The following ARID1B variants were observed in gnomAD, a reference collection of about 807,000 sequenced individuals.
ARID1B encodes AT-rich interactive domain-containing protein 1B.
ARID1B carries 30 observed loss-of-function variants against 212.3 expected under a neutral mutation model. The ratio of observed to expected loss-of-function variants is 0.14; its 90% CI spans 0.11 to 0.19. ARID1B has a LOEUF of 0.19. ARID1B is among the 10% of genes least tolerant of loss of function. The pLI, the probability that ARID1B is intolerant of heterozygous loss-of-function variation, is 1.00. For missense variants in ARID1B, 2,891 were observed against 3,204.0 expected (o/e 0.90, Z 2.36); for synonymous variants, 1,402 against 1,301.7 (o/e 1.08, Z -1.66).
Position 157,046,024 on chromosome 6 carries a change from A to AGCCTCT in ARID1B, c.2248-38628_2248-38623dup, listed in dbSNP as rs140705409. On this transcript the variant is annotated intron_variant, in intron 4 of 19. Coordinates refer to ENST00000636930, the MANE Select transcript of ARID1B (RefSeq NM_001374828.1). Reference sequence around the variant, plus strand: ...CTCTTCTTTTGTTAGAAAATTTCCCAGCCTCTGCCTCTGCCATCTGCTGGT... The same window carrying AGCCTCT: ...CTCTTCTTTTGTTAGAAAATTTCCCAGCCTCTGCCTCTGCCTCTGCCATCTGCTGGT... Among the ~76,000 whole-genome samples, 111 of 152,282 alleles carry AGCCTCT rather than the reference A, an allele frequency of 7.3e-4. 1 individual carries two copies. In the East Asian group the frequency reaches 0.018, roughly 25 times the overall value.
At chr6:157,127,733 G>A (rs548263316) in intron 6 of ARID1B, among the ~76,000 whole-genome samples, 7 of 136,592 alleles carry the variant, frequency 5.1e-5, no homozygotes, top group East Asian at 2.2e-4. Flanking sequence ...CCAAGATCGC[G>A]CCACTGTGCC....
At chr6:156,796,292 G>C (rs1252441078) in intron 1 of ARID1B, among the ~76,000 whole-genome samples, 1 of 151,926 alleles carries the variant, frequency 6.6e-6, no homozygotes, top group Non-Finnish European at 1.5e-5. Flanking sequence ...CCCATCTCAA[G>C]CAAATCAGTG....
intron 4 of ARID1B, chr6:157,023,698 A>G (rs1780470620): frequency 6.6e-6 from 1 of 152,224 alleles, no homozygotes; most frequent in African/African-American, 2.4e-5. Flanking sequence ...AACAAGGCAT[A>G]TCTATTTGGG....
chr6:156,873,777 C>T (rs1786328590), intron 2 of ARID1B, among the ~76,000 whole-genome samples: 1 of 152,222 alleles, frequency 6.6e-6, no homozygotes, highest in South Asian at 2.1e-4. Context: ...TGGACAGTCT[C>T]AGGCATTGGT....
chr6:157,205,349 T>G (rs1043327804), intron 19 of ARID1B: 1 of 152,248 alleles, frequency 6.6e-6, no homozygotes, highest in Non-Finnish European at 1.5e-5. Flanking sequence ...ACTTACTCTT[T>G]AGAGTTCCTA....
chr6:156,905,250 G>GCGCACACACA (rs1554265935), intron 3 of ARID1B, among the ~76,000 whole-genome samples: 27 of 143,838 alleles, frequency 1.9e-4, no homozygotes, highest in South Asian at 4.5e-4. Context: ...ACATATGCAC[G>GCGCACACACA]CACACACACA....
intron 2 of ARID1B, among the ~76,000 whole-genome samples, chr6:156,886,714 C>G (rs1412291914): frequency 6.6e-6 from 1 of 152,214 alleles, no homozygotes; most frequent in Non-Finnish European, 1.5e-5. Flanking sequence ...CATTCAAAGT[C>G]TTTTCCAGTT....
intron 1 of ARID1B, among the ~76,000 whole-genome samples, chr6:156,804,669 G>T (rs1781022320): frequency 1.3e-5 from 2 of 151,972 alleles, no homozygotes; most frequent in Admixed American, 1.3e-4. Flanking sequence ...CCTGGAGGAA[G>T]CCATCCCCAT....
chr6:156,778,682 C>G lies in ARID1B; in HGVS notation c.1002C>G (p.Cys334Trp), dbSNP rs1475178628. 2 of 1,508,386 alleles carry G rather than the reference C, an allele frequency of 1.3e-6. No homozygotes were observed. Among genetic ancestry groups the G allele is most frequent in the Non-Finnish European group, 1.8e-6 (2 of 1,127,054 alleles). The allele number at this position is 1,508,386 out of a possible 1,614,324, so 93.4% of individuals were successfully genotyped here. A position where few individuals can be genotyped will look rare whatever the true frequency, so the allele number is the denominator to read the frequency against. Residue 334 changes from cysteine (C) to tryptophan (W), a missense_variant, in exon 1 of 20, where the codon TGC (cysteine) becomes TGG (tryptophan). Physicochemically the swap from Cys to Trp is radical, Grantham distance 215 (BLOSUM62 -2). This residue lies in a region of ARID1B where 1,643 missense variants were observed against 1,544.0 expected (regional missense o/e 1.06). Coordinates refer to ENST00000636930, the MANE Select transcript of ARID1B (RefSeq NM_001374828.1). ...SGGPGGRAGP[C>W]FDQHGGQQSP... ...GCCCCGGCGGCCGCGCTGGGCCTTG[C>G]TTTGATCAACATGGCGGACAACAAA...
In ARID1B at chr6:157,089,464, C is replaced by T. The variant is rs551814120; in HGVS notation, c.2491+4559C>T. Among the ~76,000 whole-genome samples the T allele has an allele frequency of 6.6e-5, 10 of 152,282 alleles. No individual in the cohort carries two copies. The South Asian group carries it at 2.1e-3, about 32-fold the overall frequency. On this transcript the variant is annotated intron_variant, in intron 5 of 19. Coordinates refer to ENST00000636930, the MANE Select transcript of ARID1B (RefSeq NM_001374828.1). ...ACATCCCTAACTCAGCTGGGCTTTT[C>T]CTCCTGCATTCTTTGGAGAAGCAGA... is the stretch of plus-strand genomic sequence containing the variant.
chr6:156,871,720 C>T, intron 2 of ARID1B: 2 of 1,547,016 alleles, frequency 1.3e-6, no homozygotes, highest in Non-Finnish European at 8.8e-7. Flanking sequence ...GTGGGGGCAG[C>T]TGGCACATCT....
intron 4 of ARID1B, chr6:156,937,299 A>G (rs933891714): frequency 2.6e-5 from 4 of 152,200 alleles, no homozygotes; most frequent in South Asian, 2.1e-4. Context: ...TTGTGGTTCT[A>G]TGAAATTTAA....
chr6:156,803,303 AATGT>A (rs1780919576), intron 1 of ARID1B, among the ~76,000 whole-genome samples: 1 of 152,226 alleles, frequency 6.6e-6, no homozygotes, highest in Non-Finnish European at 1.5e-5. Context: ...GTATAATAGA[AATGT>A]ATGTACATTT....
chr6:156,802,371 T>C (rs1780852274), intron 1 of ARID1B, among the ~76,000 whole-genome samples: 1 of 152,258 alleles, frequency 6.6e-6, no homozygotes, highest in African/African-American at 2.4e-5. Flanking sequence ...TTCTTTCGTA[T>C]TCATTCATTG....
chr6:157,171,588 A>G (rs1366980451), intron 9 of ARID1B, among the ~76,000 whole-genome samples: 1 of 152,254 alleles, frequency 6.6e-6, no homozygotes, highest in Non-Finnish European at 1.5e-5. Flanking sequence ...AAAATAAAAC[A>G]TACATTTTAT....
At position 157,200,546 on chromosome 6, in the gene ARID1B, A is replaced by T. The variant is rs368989388; in HGVS notation, c.4480-159A>T. The stretch of plus-strand genomic sequence containing the variant: ...GTGACATGGTGTATATAATACTGAA[A>T]TATTGAACATAAATTGTTAGTTCTC... On this transcript the variant is annotated intron_variant, in intron 17 of 19. Coordinates refer to ENST00000636930, the MANE Select transcript of ARID1B (RefSeq NM_001374828.1). This position sits in a 1 kb window ranked among gnomAD's most constrained non-coding sequence, Gnocchi z 4.3. 1.8e-4 allele frequency among the ~76,000 whole-genome samples: 28 copies of T among 152,108 alleles called. 1 individual carries two copies. In the East Asian group the frequency reaches 1.9e-3, roughly 10 times the overall value.
intron 1 of ARID1B, among the ~76,000 whole-genome samples, chr6:156,828,765 A>G (rs1782935888): frequency 6.6e-6 from 1 of 152,226 alleles, no homozygotes. Context: ...CGGTTGCACT[A>G]AGGTTTGATC....
chr6:156,823,578 A>G lies in ARID1B; in HGVS notation c.1792-5649A>G, dbSNP rs182384385. On this transcript the variant is annotated intron_variant, in intron 1 of 19. Transcript: ENST00000636930. ...GTAAGAGAATGTTGTTTCCCGAACA[A>G]TGGTTCAAAAGAGGGAAGAGTTTTC... Among the ~76,000 whole-genome samples, 29 of 152,236 alleles carry G rather than the reference A, an allele frequency of 1.9e-4. No individual in the cohort carries two copies. In the East Asian group the frequency reaches 3.7e-3, roughly 19 times the overall value.
At chr6:157,115,663 G>A (rs1038857032) in intron 6 of ARID1B, among the ~76,000 whole-genome samples, 5 of 152,134 alleles carry the variant, frequency 3.3e-5, no homozygotes, top group Non-Finnish European at 5.9e-5. Context: ...TCCTGACCTC[G>A]TGATCCGCCT....
Sources: gnomAD v4.1 joint callset for allele counts (sites outside exome capture counted in the v4.1 genomes callset) on GRCh38, gnomAD v4.1.1 for gene constraint, gnomAD v4.1.1 regional missense constraint, Gnocchi (gnomAD v3.1) non-coding constraint, MANE v1.5 for transcripts, NCBI Gene and HGNC (gene_info 2026-07-23, HGNC 2026-07-21) for gene names.